FARS2: variants seen among roughly 807,000 people sequenced by gnomAD.
FARS2 encodes phenylalanyl-tRNA synthetase 2, mitochondrial, also known as phenylalanine--tRNA ligase, mitochondrial.
A neutral mutation model predicts 46.4 loss-of-function variants in FARS2; 40 were observed. The ratio of observed to expected loss-of-function variants is 0.86; its 90% CI spans 0.67 to 1.12. FARS2 has a LOEUF of 1.12. FARS2 is among the 50% of genes most tolerant of loss of function. The pLI is 0.00. For missense variants in FARS2, 513 were observed against 567.9 expected, an observed-to-expected ratio of 0.90 and a Z score of 0.98; for synonymous variants, 234 against 214.9, an observed-to-expected ratio of 1.09 and a Z score of -0.78.
chr6:5,366,141 C>T (rs769627221), intron 1 of FARS2, among the ~76,000 whole-genome samples: 5 of 152,112 alleles, frequency 3.3e-5, no homozygotes, highest in Admixed American at 6.5e-5. Context: ...TTTGAATTGC[C>T]AAGAATTCTG....
chr6:5,683,785 G>A (rs12210755), intron 6 of FARS2, among the ~76,000 whole-genome samples: 110 of 151,962 alleles, frequency 7.2e-4, no homozygotes, highest in Non-Finnish European at 1.3e-3. Flanking sequence ...TCTACCTCTC[G>A]ACAGGCCCCG....
At chr6:5,568,913 A>G (rs1772474234) in intron 5 of FARS2, among the ~76,000 whole-genome samples, 1 of 152,176 alleles carries the variant, frequency 6.6e-6, no homozygotes, top group South Asian at 2.1e-4. Flanking sequence ...TGGGCTCAGG[A>G]AATTTTAGGA....
Position 5,727,967 on chromosome 6 carries a change from C to T in FARS2, c.1218-43324C>T, listed in dbSNP as rs1760373327. Among the ~76,000 whole-genome samples the T allele has an allele frequency of 1.3e-5, 2 of 152,174 alleles. No homozygotes were observed. The highest frequency in any genetic ancestry group is 4.1e-4 in the South Asian group (2 of 4,822). ...GGGGAAGTGTTGGGGTGAAAGGTCCCTGGGAGCTTCGCTTACCACCGTGGG... is the reference window on the plus strand; with the variant it reads ...GGGGAAGTGTTGGGGTGAAAGGTCCTTGGGAGCTTCGCTTACCACCGTGGG... On this transcript the variant is annotated intron_variant, in intron 6 of 6. Transcript: ENST00000274680. The surrounding 1 kb of genome is among the most constrained non-coding windows in gnomAD (Gnocchi z 4.1).
At chr6:5,421,489 G>C (rs1298348659) in intron 3 of FARS2, among the ~76,000 whole-genome samples, 3 of 152,174 alleles carry the variant, frequency 2.0e-5, no homozygotes, top group African/African-American at 7.2e-5. Context: ...TTTCTCCTCA[G>C]AAAATGGGAT....
At chr6:5,535,696 C>A (rs1056665213) in intron 4 of FARS2, among the ~76,000 whole-genome samples, 1 of 152,166 alleles carries the variant, frequency 6.6e-6, no homozygotes, top group Non-Finnish European at 1.5e-5. Context: ...TTGTTGAGGG[C>A]ATTCCCTTGT....
chr6:5,485,090 G>A (rs1766696142), intron 4 of FARS2, among the ~76,000 whole-genome samples: 1 of 152,108 alleles, frequency 6.6e-6, no homozygotes, highest in Admixed American at 6.5e-5. Flanking sequence ...GCTTGAATTA[G>A]TTGAACTTAT....
At chr6:5,496,106 C>T (rs1197850100) in intron 4 of FARS2, among the ~76,000 whole-genome samples, 6 of 152,170 alleles carry the variant, frequency 3.9e-5, no homozygotes, top group African/African-American at 1.2e-4. Flanking sequence ...ATTACTACGG[C>T]CATATAAAAC....
At position 5,466,763 on chromosome 6, in the gene FARS2, T is replaced by C. The variant is rs577166326; in HGVS notation, c.904+35591T>C. ...TGTGTGGTGCCTGGGATCTGTAGAC[T>C]GAAGCAGCACCCCTGGTGATTCTGG... On this transcript the variant is annotated intron_variant, in intron 4 of 6. Coordinates refer to ENST00000274680, the MANE Select transcript of FARS2 (RefSeq NM_006567.5). 3 of 981,348 alleles carry C rather than the reference T, an allele frequency of 3.1e-6. No individual in the cohort carries two copies. The East Asian group carries it at 3.4e-4, about 112-fold the overall frequency. The allele number at this position is 981,348 out of a possible 1,614,324, so 60.8% of individuals were successfully genotyped here.
intron 1 of FARS2, among the ~76,000 whole-genome samples, chr6:5,299,090 C>T (rs985275330): frequency 1.3e-5 from 2 of 152,044 alleles, no homozygotes; most frequent in African/African-American, 2.4e-5. Context: ...CAGAGCCTTG[C>T]GTTTTGGAAG....
At position 5,428,893 on chromosome 6, in the gene FARS2, G is replaced by A. The variant is rs565083260; in HGVS notation, c.773-2148G>A. 2.0e-5 allele frequency among the ~76,000 whole-genome samples: 3 copies of A among 152,074 alleles called. No homozygotes were observed. In the East Asian group the frequency reaches 5.8e-4, roughly 29 times the overall value. ...TTAGAAAAAGTGTTGATGCGATCTC[G>A]GCAATAAAAAGGAATGAACTATTGA... is the stretch of plus-strand genomic sequence containing the variant. On this transcript the variant is annotated intron_variant, in intron 3 of 6. Coordinates refer to ENST00000274680, the MANE Select transcript of FARS2 (RefSeq NM_006567.5).
chr6:5,507,780 C>T (rs1379312543), intron 4 of FARS2, among the ~76,000 whole-genome samples: 1 of 152,116 alleles, frequency 6.6e-6, no homozygotes, highest in East Asian at 1.9e-4. Context: ...GAGAGAAGAC[C>T]GGAGGGAGCA....
At chr6:5,643,545 G>T (rs759179576) in intron 6 of FARS2, among the ~76,000 whole-genome samples, 3 of 152,190 alleles carry the variant, frequency 2.0e-5, no homozygotes, top group Non-Finnish European at 4.4e-5. Context: ...ATCAGTGGTG[G>T]TATTAGCAGC....
chr6:5,747,638 G>T (rs1484280467), intron 6 of FARS2, among the ~76,000 whole-genome samples: 2 of 152,186 alleles, frequency 1.3e-5, no homozygotes, highest in Non-Finnish European at 2.9e-5. Flanking sequence ...TTAGAGGCTG[G>T]ATGCCACAAT....
chr6:5,694,954 G>A (rs1295291521), intron 6 of FARS2: 1 of 152,182 alleles, frequency 6.6e-6, no homozygotes, highest in Non-Finnish European at 1.5e-5. Flanking sequence ...AGGCCGCAGT[G>A]AGCTATGCTC....
At chr6:5,360,221 C>G (rs1758213689) in intron 1 of FARS2, among the ~76,000 whole-genome samples, 1 of 152,164 alleles carries the variant, frequency 6.6e-6, no homozygotes, top group Non-Finnish European at 1.5e-5. Flanking sequence ...TGGTACTATG[C>G]AACTTGTTTT....
At chr6:5,449,640 A>G (rs2150261069) in intron 4 of FARS2, among the ~76,000 whole-genome samples, 2 of 152,278 alleles carry the variant, frequency 1.3e-5, no homozygotes, top group Admixed American at 1.3e-4. Context: ...TACAGATTGC[A>G]TATCTCTTAT....
chr6:5,332,069 GA>G (rs1388871400), intron 1 of FARS2, among the ~76,000 whole-genome samples: 11 of 152,088 alleles, frequency 7.2e-5, no homozygotes, highest in Admixed American at 7.2e-4. Flanking sequence ...TTTCAGACAG[GA>G]AACTAAATCC....
chr6:5,438,253 C>G (rs1356158074), intron 4 of FARS2, among the ~76,000 whole-genome samples: 1 of 84,084 alleles, frequency 1.2e-5, no homozygotes, highest in Non-Finnish European at 2.2e-5. Flanking sequence ...CCCGCCCCCC[C>G]CCCCATTTTT....
At chr6:5,674,933 A>G (rs1364696352) in intron 6 of FARS2, among the ~76,000 whole-genome samples, 1 of 152,212 alleles carries the variant, frequency 6.6e-6, no homozygotes, top group Admixed American at 6.5e-5. Flanking sequence ...TCTCAGAGTC[A>G]CAAGAAGTGG....
Sources: gnomAD v4.1 joint callset for allele counts (sites outside exome capture counted in the v4.1 genomes callset) on GRCh38, gnomAD v4.1.1 for gene constraint, Gnocchi (gnomAD v3.1) non-coding constraint, MANE v1.5 for transcripts, NCBI Gene and HGNC (gene_info 2026-07-23, HGNC 2026-07-21) for gene names.